MYH14: variants seen among roughly 807,000 people sequenced by gnomAD.
MYH14 encodes myosin-14.
MYH14 carries 123 observed loss-of-function variants against 255.5 expected under a neutral mutation model. That is an observed-to-expected ratio of 0.48 (90% CI 0.42 to 0.56). MYH14 has a LOEUF of 0.56. Among genes scored for constraint, MYH14 ranks in the 20% least tolerant of loss-of-function variants. The pLI, the probability that MYH14 is intolerant of heterozygous loss-of-function variation, is 0.00. For missense variants in MYH14, 2,423 were observed against 2,802.3 expected (o/e 0.86, Z 3.06); for synonymous variants, 1,095 against 1,161.2 (o/e 0.94, Z 1.16).
chr19:50,245,431 AAGAAGAAGAAAGAAAG>A (rs770587577), intron 11 of MYH14, among the ~76,000 whole-genome samples: 5,798 of 128,150 alleles, frequency 0.045, 443 homozygotes, highest in Admixed American at 0.1. Context: ...AAAAAAAAAA[AAGAAGAAGAAAGAAAG>A]AAAAAGAAGA....
rs2035902530 is a variant in MYH14, at chr19:50,286,693, G to A, written c.4751G>A (p.Ser1584Asn). ...LLSSKDDVGK[S>N]VHELERACRV... is the part of the protein sequence containing the mutation. ...AGCAGCAAGGATGACGTCGGCAAGA[G>A]CGTGAGCAGGGCCCCCGCTCCCCGG... Residue 1584 changes from serine to asparagine, a missense_variant and splice_region_variant, in exon 34 of 43, where the codon AGC (serine) becomes AAC (asparagine). By Grantham distance (46) the Ser-to-Asn change is conservative. This residue lies in a region of MYH14 where 1,513 missense variants were observed against 1,674.8 expected (regional missense o/e 0.90). Coordinates refer to ENST00000642316, the MANE Select transcript of MYH14 (RefSeq NM_001145809.2). 1.9e-6 allele frequency: 3 copies of A among 1,566,986 alleles called. No individual in the cohort carries two copies. The highest frequency in any genetic ancestry group is 2.3e-5 in the South Asian group (2 of 85,172).
chr19:50,260,920 C>T (rs1042654041), intron 20 of MYH14, among the ~76,000 whole-genome samples: 2 of 151,192 alleles, frequency 1.3e-5, no homozygotes, highest in Non-Finnish European at 3.0e-5. Flanking sequence ...TGTGCAGGGG[C>T]CCAGGTGGTC....
chr19:50,260,594 G>A (rs2034786224), intron 19 of MYH14, 52 bp from the exon 20 acceptor site: 1 of 1,346,632 alleles, frequency 7.4e-7, no homozygotes, highest in East Asian at 2.3e-5. Flanking sequence ...GCAGGCACTA[G>A]GTGAGCGTTT....
chr19:50,226,830 T>A, intron 7 of MYH14, 73 bp from the exon 8 acceptor site: 1 of 1,438,656 alleles, frequency 7.0e-7, no homozygotes, highest in Non-Finnish European at 9.8e-7. Flanking sequence ...GGGTGTGGGG[T>A]TTGGGCTGTT....
At chr19:50,208,452 AAAC>A (rs1041104877) in intron 1 of MYH14, among the ~76,000 whole-genome samples, 14 of 148,266 alleles carry the variant, frequency 9.4e-5, no homozygotes, top group East Asian at 3.9e-4. Context: ...ACAAACAAAC[AAAC>A]AAAAAAACCC....
intron 17 of MYH14, among the ~76,000 whole-genome samples, chr19:50,256,104 C>A (rs369047737): frequency 2.0e-5 from 3 of 151,612 alleles, no homozygotes; most frequent in East Asian, 3.9e-4. Flanking sequence ...ACAGGAAGAC[C>A]CCGTCTCTAC....
chr19:50,273,968 G>C (rs2123398656), intron 27 of MYH14, among the ~76,000 whole-genome samples: 1 of 152,098 alleles, frequency 6.6e-6, no homozygotes, highest in Non-Finnish European at 1.5e-5. Context: ...TGGAATCCTG[G>C]CTTCTCCCCT....
chr19:50,301,547 G>T, intron 39 of MYH14, 114 bp from the exon 40 acceptor site: 1 of 712,848 alleles, frequency 1.4e-6, no homozygotes, highest in Non-Finnish European at 2.5e-6. Flanking sequence ...TTCAGGCTCT[G>T]TGCTATGCGT....
chr19:50,240,130 G>A (rs940404933), intron 10 of MYH14, among the ~76,000 whole-genome samples: 1 of 152,314 alleles, frequency 6.6e-6, no homozygotes, highest in Non-Finnish European at 1.5e-5. Context: ...TCACTCAGCC[G>A]TGTGTTTGTG....
In MYH14 at chr19:50,289,752, C is replaced by T. The variant is rs1449645937; in HGVS notation, c.4965+104C>T. The T allele has an allele frequency of 8.6e-6, 9 of 1,041,496 alleles. No individual in the cohort carries two copies. The African/African-American group carries it at 9.4e-5, about 11-fold the overall frequency. 64.5% of individuals were successfully genotyped at this position (1,041,496 alleles called of 1,614,324 possible). A position where few individuals can be genotyped will look rare whatever the true frequency, so the allele number is the denominator to read the frequency against. ...CAAGGGGTCTCCCCGACCCACCCACCACTCTGTCTCCTCCACCCGCCGACC... is the reference window on the plus strand; with the variant it reads ...CAAGGGGTCTCCCCGACCCACCCACTACTCTGTCTCCTCCACCCGCCGACC... On this transcript the variant is annotated intron_variant, in intron 35 of 42. Transcript: ENST00000642316.
At chr19:50,288,712 T>A (rs1568542601) in intron 34 of MYH14, among the ~76,000 whole-genome samples, 2 of 152,030 alleles carry the variant, frequency 1.3e-5, no homozygotes, top group Admixed American at 6.6e-5. Flanking sequence ...AGGCGGGTGT[T>A]GCACAAAAAG....
At chr19:50,222,479 CAAAA>C (rs542179852) in intron 3 of MYH14, among the ~76,000 whole-genome samples, 1 of 69,866 alleles carries the variant, frequency 1.4e-5, no homozygotes, top group Non-Finnish European at 2.7e-5. Context: ...GACTCCGTCT[CAAAA>C]AAAAAAAAAA....
intron 24 of MYH14, among the ~76,000 whole-genome samples, chr19:50,270,647 TA>T (rs1227368851): frequency 6.6e-6 from 1 of 151,798 alleles, no homozygotes; most frequent in Non-Finnish European, 1.5e-5. Context: ...CCCATTTCTA[TA>T]ATTTGTGTAT....
In MYH14 at chr19:50,250,755, T is replaced by TG; in HGVS notation, c.1830+73dup. ...TCAAGGGATCTCCACTGGCTACAGA[T>TG]GGGGGGAGGGTGCAGAGGGAAAACA... On this transcript the variant is annotated intron_variant, in intron 15 of 42. Transcript: ENST00000642316. This position sits in a 1 kb window ranked among gnomAD's most constrained non-coding sequence, Gnocchi z 5.4. 1.3e-6 allele frequency: 2 copies of TG among 1,516,674 alleles called. No homozygotes were observed. The highest frequency in any genetic ancestry group is 9.0e-7 in the Non-Finnish European group (1 of 1,112,238). 94.0% of individuals were successfully genotyped at this position (1,516,674 alleles called of 1,614,324 possible).
In MYH14 at chr19:50,292,309, C is replaced by A. The variant is rs372062358; in HGVS notation, c.5176C>A (p.Arg1726=). ...GGAGGTGGAGGAGACACGCACCTCC[C>A]GGGAGGAGATCTTCTCCCAGAATCG... ...WREVEETRTS[R]EEIFSQNRES... is the part of the protein sequence containing the mutation. Residue 1726 remains arginine, a synonymous_variant, in exon 37 of 43, where the codon CGG becomes AGG. Coordinates refer to ENST00000642316, the MANE Select transcript of MYH14 (RefSeq NM_001145809.2). 1.8e-5 allele frequency: 29 copies of A among 1,598,488 alleles called. No individual in the cohort carries two copies. The highest frequency in any genetic ancestry group is 4.5e-5 in the East Asian group (2 of 44,196).
chr19:50,250,295 G>T lies in MYH14; in HGVS notation c.1657-220G>T, dbSNP rs2034319665. 1.5e-5 allele frequency among the ~76,000 whole-genome samples: 2 copies of T among 133,902 alleles called. No homozygotes were observed. The highest frequency in any genetic ancestry group is 3.3e-5 in the Non-Finnish European group (2 of 61,110). The allele number at this position is 133,902 out of a possible 152,430, so 87.8% of individuals were successfully genotyped here. On this transcript the variant is annotated intron_variant, in intron 14 of 42. Transcript: ENST00000642316. This position sits in a 1 kb window ranked among gnomAD's most constrained non-coding sequence, Gnocchi z 5.4. ...TTTTGTATTTTTAGTAGAGTCGGGGGTTTCACTGTGTTAGCCAGGATGGTC... is the reference window on the plus strand; with the variant it reads ...TTTTGTATTTTTAGTAGAGTCGGGGTTTTCACTGTGTTAGCCAGGATGGTC...
At chr19:50,275,492 G>C (rs190728066) in intron 27 of MYH14, among the ~76,000 whole-genome samples, 2 of 152,208 alleles carry the variant, frequency 1.3e-5, no homozygotes, top group Non-Finnish European at 2.9e-5. Flanking sequence ...TACGATTACT[G>C]TTGCTGTCAT....
chr19:50,253,384 AG>A (rs1250779267), intron 16 of MYH14, among the ~76,000 whole-genome samples: 1 of 151,784 alleles, frequency 6.6e-6, no homozygotes, highest in Non-Finnish European at 1.5e-5. Flanking sequence ...TAGAGGTTTC[AG>A]TGAGCCAAGA....
chr19:50,212,199 G>A (rs577569454), intron 2 of MYH14, among the ~76,000 whole-genome samples: 1 of 152,260 alleles, frequency 6.6e-6, no homozygotes, highest in South Asian at 2.1e-4. Flanking sequence ...CAGTGACGGA[G>A]CCCCACCCCA....
Sources: gnomAD v4.1 joint callset for allele counts (sites outside exome capture counted in the v4.1 genomes callset) on GRCh38, gnomAD v4.1.1 for gene constraint, gnomAD v4.1.1 regional missense constraint, Gnocchi (gnomAD v3.1) non-coding constraint, MANE v1.5 for transcripts, NCBI Gene and HGNC (gene_info 2026-07-23, HGNC 2026-07-21) for gene names.